ELMO1: variants seen among roughly 807,000 people sequenced by gnomAD.
ELMO1 encodes the protein engulfment and cell motility protein 1.
In ELMO1, 26 loss-of-function variants were observed where a neutral mutation model predicts 98.9. That is an observed-to-expected ratio of 0.26 (90% confidence interval 0.19 to 0.36). The LOEUF is 0.36. ELMO1 is among the 10% of genes least tolerant of loss of function. ELMO1 has a pLI of 1.00. For missense variants in ELMO1, 627 were observed against 935.2 expected (o/e 0.67, Z 4.30); for synonymous variants, 346 against 346.0 (o/e 1.00, Z 0.00).
chr7:37,115,306 C>T (rs1057255529), intron 14 of ELMO1, among the ~76,000 whole-genome samples: 10 of 152,008 alleles, frequency 6.6e-5, no homozygotes, highest in Non-Finnish European at 1.0e-4. Context: ...AAAAAAAATG[C>T]GGATCTATAT....
chr7:36,969,755 G>A (rs539702752), intron 16 of ELMO1, among the ~76,000 whole-genome samples: 14 of 152,218 alleles, frequency 9.2e-5, no homozygotes, highest in African/African-American at 3.4e-4. Flanking sequence ...GACTCAAAAG[G>A]TGGCTACATC....
At chr7:37,395,367 C>CAAAAAAA (rs59452486) in intron 1 of ELMO1, among the ~76,000 whole-genome samples, 6 of 66,170 alleles carry the variant, frequency 9.1e-5, no homozygotes, top group South Asian at 6.6e-4. Flanking sequence ...AACTCCATCT[C>CAAAAAAA]AAAAAAAAAA....
At position 37,342,614 on chromosome 7, in the gene ELMO1, T is replaced by C; in HGVS notation, c.77A>G (p.Gln26Arg). 1 of 1,613,936 alleles carries C rather than the reference T, an allele frequency of 6.2e-7. No individual in the cohort carries two copies. The highest frequency in any genetic ancestry group is 8.5e-7 in the Non-Finnish European group (1 of 1,179,894). ...ACCCAATGCTGTCACGTTACTAACC[T>C]GATCAATTTCCATGAGTTTGGGGTA... ...GAYPKLMEID[Q>R]KKPLSAIIKE... Residue 26 changes from glutamine (Q) to arginine (R), a missense_variant and splice_region_variant, in exon 2 of 22, where the codon CAG (glutamine) becomes CGG (arginine). Around this residue, in one of 3 missense-constraint regions of ELMO1, gnomAD observed 123 missense variants for 171.2 expected, o/e 0.72. Transcript: ENST00000310758. This position sits in a 1 kb window ranked among gnomAD's most constrained non-coding sequence, Gnocchi z 4.3.
chr7:37,307,609 T>A (rs1798678820), intron 4 of ELMO1, among the ~76,000 whole-genome samples: 2 of 152,190 alleles, frequency 1.3e-5, no homozygotes, highest in South Asian at 4.1e-4. Context: ...ACAGGCAAAT[T>A]TATCAAGAAG....
At chr7:37,058,792 G>A (rs771398575) in intron 15 of ELMO1, among the ~76,000 whole-genome samples, 2 of 152,202 alleles carry the variant, frequency 1.3e-5, no homozygotes, top group Non-Finnish European at 2.9e-5. Flanking sequence ...GAGAGTACTT[G>A]GTTAAAGGAC....
chr7:37,034,922 T>C (rs1795094610), intron 15 of ELMO1, among the ~76,000 whole-genome samples: 1 of 152,222 alleles, frequency 6.6e-6, no homozygotes, highest in Admixed American at 6.5e-5. Flanking sequence ...TGGAAGCTGG[T>C]GTTTATCTCC....
intron 2 of ELMO1, among the ~76,000 whole-genome samples, chr7:37,333,676 A>C (rs1356809833): frequency 6.6e-6 from 1 of 152,226 alleles, no homozygotes; most frequent in Non-Finnish European, 1.5e-5. Context: ...TAAGTACCCC[A>C]GTCACTTCAT....
rs541096522 is a variant in ELMO1, at chr7:37,194,117, T to C, written c.1086+17269A>G. On this transcript the variant is annotated intron_variant, in intron 13 of 21. Transcript: ENST00000310758. ...ATGTCCTGGCCAGTTTATTCTCTGC[T>C]CTATAGTTTCCCAGCTCCCCTTTCA... is the stretch of plus-strand genomic sequence containing the variant. Among the ~76,000 whole-genome samples, 3 of 152,290 alleles carry C rather than the reference T, an allele frequency of 2.0e-5. No individual in the cohort carries two copies. The East Asian group carries it at 5.8e-4, about 29-fold the overall frequency.
intron 15 of ELMO1, among the ~76,000 whole-genome samples, chr7:37,016,280 G>A (rs1793924993): frequency 6.6e-6 from 1 of 152,116 alleles, no homozygotes; most frequent in South Asian, 2.1e-4. Flanking sequence ...AATTCGTTGG[G>A]TACATATGGC....
At chr7:36,884,026 G>C (rs1303618915) in intron 18 of ELMO1, among the ~76,000 whole-genome samples, 1 of 152,070 alleles carries the variant, frequency 6.6e-6, no homozygotes, top group East Asian at 1.9e-4. Flanking sequence ...CCTGTGCTTA[G>C]AAATATACAT....
chr7:37,388,561 T>C lies in ELMO1; in HGVS notation c.-73-45798A>G, dbSNP rs546727270. Among the ~76,000 whole-genome samples the C allele has an allele frequency of 4.9e-4, 74 of 149,796 alleles. No individual in the cohort carries two copies. In the Middle Eastern group the frequency reaches 0.014, roughly 28 times the overall value. On this transcript the variant is annotated intron_variant, in intron 1 of 21. Coordinates refer to ENST00000310758, the MANE Select transcript of ELMO1 (RefSeq NM_014800.11). Reference sequence around the variant, plus strand: ...TGGGAAAACCAAATGTCTTTCTGGATCCCCATACCATCTTGGAGAAAGATG... The same window carrying C: ...TGGGAAAACCAAATGTCTTTCTGGACCCCCATACCATCTTGGAGAAAGATG...
chr7:37,076,179 G>A (rs1346638655), intron 15 of ELMO1, among the ~76,000 whole-genome samples: 1 of 152,148 alleles, frequency 6.6e-6, no homozygotes, highest in Non-Finnish European at 1.5e-5. Context: ...ACCCCCTGAT[G>A]AGTCACTATT....
chr7:36,955,441 T>G (rs1420493553), intron 16 of ELMO1, among the ~76,000 whole-genome samples: 2 of 152,250 alleles, frequency 1.3e-5, no homozygotes, highest in Non-Finnish European at 2.9e-5. Context: ...AAAACCTTCC[T>G]TTATGAAAAC....
At chr7:37,020,631 T>A (rs1006147372) in intron 15 of ELMO1, among the ~76,000 whole-genome samples, 15 of 152,172 alleles carry the variant, frequency 9.9e-5, no homozygotes, top group African/African-American at 3.6e-4. Context: ...GCTGAAAAGC[T>A]CTGTTCCATC....
chr7:37,113,886 C>A (rs1424743018), intron 14 of ELMO1, among the ~76,000 whole-genome samples: 1 of 152,170 alleles, frequency 6.6e-6, no homozygotes, highest in African/African-American at 2.4e-5. Flanking sequence ...AGGGAGGCCT[C>A]AGAGACACCA....
At chr7:37,242,812 T>A (rs1794824432) in intron 7 of ELMO1, among the ~76,000 whole-genome samples, 1 of 152,168 alleles carries the variant, frequency 6.6e-6, no homozygotes, top group Admixed American at 6.6e-5. Context: ...TGCTCTGCAG[T>A]CCCAAACTAC....
chr7:36,998,506 TTAG>T (rs1792386070), intron 16 of ELMO1, among the ~76,000 whole-genome samples: 1 of 152,170 alleles, frequency 6.6e-6, no homozygotes, highest in Non-Finnish European at 1.5e-5. Flanking sequence ...TACATATATC[TTAG>T]GTGCATTGTA....
intron 1 of ELMO1, among the ~76,000 whole-genome samples, chr7:37,357,325 A>G (rs1272990110): frequency 2.0e-5 from 3 of 152,138 alleles, no homozygotes; most frequent in African/African-American, 4.8e-5. Flanking sequence ...AGTGGCCCAT[A>G]TGATGGTTGA....
At chr7:36,963,388 TAAATAAATAAATAAAA>T (rs939551494) in intron 16 of ELMO1, among the ~76,000 whole-genome samples, 33 of 136,722 alleles carry the variant, frequency 2.4e-4, no homozygotes, top group East Asian at 2.2e-3. Context: ...AATAAATAAA[TAAATAAATAAATAAAA>T]AAATAAATAA....
Sources: allele counts gnomAD v4.1 joint callset (sites outside exome capture counted in the v4.1 genomes callset), GRCh38; gene constraint gnomAD v4.1.1; regional missense constraint gnomAD v4.1.1; non-coding constraint Gnocchi (gnomAD v3.1); transcripts MANE v1.5; gene names NCBI Gene and HGNC (gene_info 2026-07-23, HGNC 2026-07-21).